Variants in CDH18 observed in about 807,000 individuals in gnomAD.
CDH18 encodes cadherin-18.
CDH18 carries 31 observed loss-of-function variants against 67.9 expected under a neutral mutation model. The ratio of observed to expected loss-of-function variants is 0.46; its 90% confidence interval spans 0.34 to 0.62. The LOEUF (loss-of-function observed/expected upper bound fraction) is 0.62. CDH18 is among the 20% of genes least tolerant of loss of function. The pLI is 0.01. For synonymous variants in CDH18, 362 were observed against 347.2 expected (o/e 1.04, Z -0.48); for missense variants, 890 against 975.5 (o/e 0.91, Z 1.17).
chr5:20,048,507 C>T (rs1741106880), intron 2 of CDH18, among the ~76,000 whole-genome samples: 1 of 151,734 alleles, frequency 6.6e-6, no homozygotes, highest in Non-Finnish European at 1.5e-5. Flanking sequence ...CAACACAAGA[C>T]AGCAGCAAAG....
chr5:20,564,293 T>TTTAC (rs755620696), intron 1 of CDH18, among the ~76,000 whole-genome samples: 17 of 148,646 alleles, frequency 1.1e-4, no homozygotes, highest in African/African-American at 3.7e-4. Flanking sequence ...TATTTATTTA[T>TTTAC]TTTAGATGGA....
intron 1 of CDH18, among the ~76,000 whole-genome samples, chr5:20,369,128 A>ATT (rs151161551): frequency 6.7e-6 from 1 of 149,698 alleles, no homozygotes; most frequent in African/African-American, 2.5e-5. Context: ...CGGAAAATTG[A>ATT]TTTTTTTTTT....
intron 1 of CDH18, among the ~76,000 whole-genome samples, chr5:20,478,270 C>T (rs950367665): frequency 1.3e-5 from 2 of 152,062 alleles, no homozygotes; most frequent in African/African-American, 4.8e-5. Flanking sequence ...CCAGCTTGGC[C>T]ATAGTGGGGG....
intron 1 of CDH18, among the ~76,000 whole-genome samples, chr5:20,385,580 C>T (rs150592461): frequency 3.0e-4 from 45 of 152,128 alleles, no homozygotes; most frequent in African/African-American, 1.1e-3. Flanking sequence ...GATGGGAAAA[C>T]GTTATGGCTC....
At chr5:20,264,110 A>T (rs1015396712) in intron 1 of CDH18, among the ~76,000 whole-genome samples, 4 of 152,092 alleles carry the variant, frequency 2.6e-5, no homozygotes, top group African/African-American at 9.7e-5. Flanking sequence ...TAAGAACCTC[A>T]TTATTATTTT....
At chr5:19,860,162 A>AT (rs926267539) in intron 2 of CDH18, among the ~76,000 whole-genome samples, 1 of 152,020 alleles carries the variant, frequency 6.6e-6, no homozygotes, top group African/African-American at 2.4e-5. Flanking sequence ...ATTTAAATTC[A>AT]TTTTTTCCTG....
At chr5:20,083,316 C>T (rs1035018324) in intron 2 of CDH18, among the ~76,000 whole-genome samples, 1 of 152,212 alleles carries the variant, frequency 6.6e-6, no homozygotes, top group African/African-American at 2.4e-5. Context: ...GTCATGAAGA[C>T]AGGCATATCT....
At chr5:19,763,826 CA>C (rs1399884812) in intron 3 of CDH18, among the ~76,000 whole-genome samples, 1 of 151,624 alleles carries the variant, frequency 6.6e-6, no homozygotes, top group African/African-American at 2.4e-5. Flanking sequence ...AAAACAAAAG[CA>C]TATTAGTGTC....
intron 2 of CDH18, among the ~76,000 whole-genome samples, chr5:20,000,336 T>C (rs1037990552): frequency 6.6e-6 from 1 of 152,158 alleles, no homozygotes; most frequent in Non-Finnish European, 1.5e-5. Flanking sequence ...ATATAATGAA[T>C]GCCTTTAACT....
chr5:20,195,038 A>G (rs1738861263), intron 2 of CDH18, among the ~76,000 whole-genome samples: 1 of 152,116 alleles, frequency 6.6e-6, no homozygotes, highest in African/African-American at 2.4e-5. Flanking sequence ...ATAATGGAAA[A>G]TATAAATATC....
At chr5:19,755,895 T>C (rs1038246227) in intron 3 of CDH18, among the ~76,000 whole-genome samples, 1 of 152,104 alleles carries the variant, frequency 6.6e-6, no homozygotes, top group Non-Finnish European at 1.5e-5. Flanking sequence ...TAAGGGTGGA[T>C]CTGCCTTCCC....
chr5:20,423,208 A>G (rs543344545), intron 1 of CDH18, among the ~76,000 whole-genome samples: 117 of 151,394 alleles, frequency 7.7e-4, no homozygotes, highest in Non-Finnish European at 1.6e-3. Context: ...CCCACTAGGC[A>G]GGAGATTGAA....
intron 2 of CDH18, among the ~76,000 whole-genome samples, chr5:19,868,734 C>A (rs1200028099): frequency 6.6e-6 from 1 of 152,072 alleles, no homozygotes; most frequent in African/African-American, 2.4e-5. Flanking sequence ...GCATTCCTCC[C>A]CAGTGCTCAA....
intron 1 of CDH18, among the ~76,000 whole-genome samples, chr5:20,496,088 A>G (rs1224209801): frequency 6.6e-6 from 1 of 152,130 alleles, no homozygotes; most frequent in African/African-American, 2.4e-5. Flanking sequence ...TAAATAAGTA[A>G]TTAAGACTGT....
intron 2 of CDH18, among the ~76,000 whole-genome samples, chr5:20,035,161 ATAGTGT>A (rs1231410207): frequency 3.3e-5 from 5 of 152,066 alleles, no homozygotes; most frequent in African/African-American, 1.2e-4. Context: ...TATTAGACAC[ATAGTGT>A]TAGTGAGGAA....
At chr5:20,488,814 A>G (rs761197013) in intron 1 of CDH18, among the ~76,000 whole-genome samples, 17 of 151,854 alleles carry the variant, frequency 1.1e-4, no homozygotes, top group Non-Finnish European at 1.9e-4. Flanking sequence ...GACCTTAGAG[A>G]TAGAAAATAT....
chr5:19,484,651 C>T (rs763236890), intron 11 of CDH18, among the ~76,000 whole-genome samples: 25 of 152,210 alleles, frequency 1.6e-4, no homozygotes, highest in Non-Finnish European at 3.2e-4. Context: ...AAACGTTGGG[C>T]CATCCCCCTT....
chr5:19,938,174 C>T lies in CDH18; in HGVS notation c.-257+42886G>A, dbSNP rs558399967. Among the ~76,000 whole-genome samples the T allele has an allele frequency of 4.0e-5, 6 of 150,216 alleles. No homozygotes were observed. In the South Asian group the frequency reaches 8.4e-4, roughly 21 times the overall value. The stretch of plus-strand genomic sequence containing the variant: ...CAGTGGAGTCACTGAAATGTAATGA[C>T]CATGTTTCATGGAAACTTGTGAAAC... On this transcript the variant is annotated intron_variant, in intron 2 of 12. Coordinates refer to ENST00000382275, the MANE Select transcript of CDH18 (RefSeq NM_004934.5).
chr5:19,949,783 T>C (rs934467913), intron 2 of CDH18, among the ~76,000 whole-genome samples: 17 of 151,936 alleles, frequency 1.1e-4, no homozygotes, highest in African/African-American at 3.6e-4. Flanking sequence ...GAATCCCTGG[T>C]TTATAACATT....
Sources: allele counts gnomAD v4.1 joint callset (sites outside exome capture counted in the v4.1 genomes callset), GRCh38; gene constraint gnomAD v4.1.1; transcripts MANE v1.5; gene names NCBI Gene and HGNC (gene_info 2026-07-23, HGNC 2026-07-21).